LDB2: variants seen among roughly 807,000 people sequenced by gnomAD.
The protein encoded by LDB2 is LIM domain binding 2.
LDB2 carries 12 observed loss-of-function variants against 44.3 expected under a neutral mutation model. That is an observed-to-expected ratio of 0.27 (90% CI 0.17 to 0.44). LDB2 has a LOEUF of 0.44. Among genes scored for constraint, LDB2 ranks in the 20% least tolerant of loss-of-function variants. The probability of loss-of-function intolerance (pLI) is 1.00; values close to 1 mark genes in which losing one functional copy is unlikely to be tolerated. For missense variants in LDB2, 344 were observed against 473.5 expected (o/e 0.73, Z 2.54); for synonymous variants, 164 against 174.8 (o/e 0.94, Z 0.49).
intron 2 of LDB2, among the ~76,000 whole-genome samples, chr4:16,734,643 G>A (rs79077910): frequency 0.019 from 2,784 of 150,412 alleles, 33 homozygotes; most frequent in Non-Finnish European, 0.027. Context: ...GCCCTGTCTT[G>A]CCCATGATTT....
At chr4:16,528,661 C>T (rs529936088) in intron 5 of LDB2, among the ~76,000 whole-genome samples, 2 of 152,334 alleles carry the variant, frequency 1.3e-5, no homozygotes, top group South Asian at 4.1e-4. Flanking sequence ...TAGACTTGTG[C>T]AGTGCCACCT....
At chr4:16,830,545 C>T (rs2110043412) in intron 1 of LDB2, among the ~76,000 whole-genome samples, 1 of 152,320 alleles carries the variant, frequency 6.6e-6, no homozygotes, top group South Asian at 2.1e-4. Flanking sequence ...GGAGAGATCT[C>T]ACATAATTCC....
intron 1 of LDB2, among the ~76,000 whole-genome samples, chr4:16,783,098 GC>G (rs1433762226): frequency 6.6e-6 from 1 of 152,226 alleles, no homozygotes; most frequent in Non-Finnish European, 1.5e-5. Context: ...CAGCAGGACA[GC>G]TAGTGCCAAG....
chr4:16,780,150 T>A (rs968487758), intron 1 of LDB2, among the ~76,000 whole-genome samples: 27 of 152,268 alleles, frequency 1.8e-4, no homozygotes, highest in Middle Eastern at 3.4e-3. Flanking sequence ...ACCAAAAAAA[T>A]TATTACTAGT....
chr4:16,687,703 C>T (rs922211877), intron 2 of LDB2, among the ~76,000 whole-genome samples: 2 of 152,108 alleles, frequency 1.3e-5, no homozygotes, highest in African/African-American at 2.4e-5. Context: ...CACCCTCCCA[C>T]ACCCACCCTG....
chr4:16,867,911 A>G (rs529993554), intron 1 of LDB2, among the ~76,000 whole-genome samples: 4 of 152,204 alleles, frequency 2.6e-5, no homozygotes, highest in Non-Finnish European at 5.9e-5. Flanking sequence ...TAACCTGACC[A>G]CTTCAAAAAC....
At chr4:16,875,956 T>C (rs1029331060) in intron 1 of LDB2, among the ~76,000 whole-genome samples, 3 of 152,176 alleles carry the variant, frequency 2.0e-5, no homozygotes, top group Non-Finnish European at 4.4e-5. Context: ...GAATGCATTA[T>C]AGGAAGTAGG....
chr4:16,852,237 C>A (rs1005838508), intron 1 of LDB2, among the ~76,000 whole-genome samples: 1 of 152,164 alleles, frequency 6.6e-6, no homozygotes, highest in Non-Finnish European at 1.5e-5. Context: ...CCATCTCTTA[C>A]CCAGAACATT....
chr4:16,661,089 T>C (rs1428274304), intron 2 of LDB2, among the ~76,000 whole-genome samples: 1 of 152,078 alleles, frequency 6.6e-6, no homozygotes, highest in African/African-American at 2.4e-5. Context: ...ACAGAAATAA[T>C]TACTTTCCCC....
intron 1 of LDB2, among the ~76,000 whole-genome samples, chr4:16,792,105 C>T (rs1306438341): frequency 6.6e-6 from 1 of 152,098 alleles, no homozygotes; most frequent in Non-Finnish European, 1.5e-5. Context: ...TGATGAGAAA[C>T]AAAATGGGTG....
chr4:16,785,894 C>T lies in LDB2; in HGVS notation c.133-26634G>A, dbSNP rs995159088. ...TTAAAAACTCTTATGACCCTCAAAC[C>T]AGCTTCATTTTCCTCCTTAAGTTTT... On this transcript the variant is annotated intron_variant, in intron 1 of 7. Transcript: ENST00000304523. 3.3e-5 allele frequency among the ~76,000 whole-genome samples: 5 copies of T among 152,200 alleles called. No homozygotes were observed. The Middle Eastern group carries it at 0.01, about 311-fold the overall frequency.
intron 1 of LDB2, among the ~76,000 whole-genome samples, chr4:16,875,695 G>A (rs1718160856): frequency 6.6e-6 from 1 of 152,196 alleles, no homozygotes; most frequent in South Asian, 2.1e-4. Context: ...TCCACCAGAA[G>A]AGCTGCTGCA....
chr4:16,714,189 A>G (rs1413793572), intron 2 of LDB2, among the ~76,000 whole-genome samples: 4 of 152,224 alleles, frequency 2.6e-5, no homozygotes, highest in Non-Finnish European at 4.4e-5. Flanking sequence ...GGTTTTTTAA[A>G]TCTTCATTCG....
intron 1 of LDB2, among the ~76,000 whole-genome samples, chr4:16,841,743 C>T (rs1201649823): frequency 6.6e-6 from 1 of 152,150 alleles, no homozygotes; most frequent in East Asian, 1.9e-4. Flanking sequence ...ATAAATTTTA[C>T]ATTTACCTTG....
At chr4:16,536,335 G>T (rs764397990) in intron 5 of LDB2, among the ~76,000 whole-genome samples, 2 of 152,154 alleles carry the variant, frequency 1.3e-5, no homozygotes, top group African/African-American at 4.8e-5. Flanking sequence ...CTGCTTTATC[G>T]TAAATGTCTG....
intron 5 of LDB2, among the ~76,000 whole-genome samples, chr4:16,549,642 G>T (rs190138831): frequency 2.4e-4 from 36 of 152,204 alleles, no homozygotes; most frequent in African/African-American, 8.7e-4. Flanking sequence ...AGACCAAGGC[G>T]CACCTCTGTT....
intron 1 of LDB2, among the ~76,000 whole-genome samples, chr4:16,892,697 G>A (rs1000640188): frequency 6.6e-6 from 1 of 152,160 alleles, no homozygotes; most frequent in Non-Finnish European, 1.5e-5. Flanking sequence ...CGGGTGCTCT[G>A]TGTTCCTCAT....
intron 1 of LDB2, among the ~76,000 whole-genome samples, chr4:16,875,490 G>A (rs1718090923): frequency 6.6e-6 from 1 of 152,086 alleles, no homozygotes; most frequent in African/African-American, 2.4e-5. Context: ...GAAAACTTAT[G>A]ATCAATTTTA....
chr4:16,661,937 G>A lies in LDB2; in HGVS notation c.236-66062C>T, dbSNP rs545837566. ...TTAATTACTGGGGCAGGTAGCACTC[G>A]CTCTTGGAAGATCTCAGCACAGATT... On this transcript the variant is annotated intron_variant, in intron 2 of 7. Coordinates refer to ENST00000304523, the MANE Select transcript of LDB2 (RefSeq NM_001290.5). 3.2e-4 allele frequency among the ~76,000 whole-genome samples: 49 copies of A among 152,226 alleles called. No individual in the cohort carries two copies. The South Asian group carries it at 7.1e-3, about 22-fold the overall frequency.
Sources: gnomAD v4.1 joint callset for allele counts (sites outside exome capture counted in the v4.1 genomes callset) on GRCh38, gnomAD v4.1.1 for gene constraint, MANE v1.5 for transcripts, NCBI Gene and HGNC (gene_info 2026-07-23, HGNC 2026-07-21) for gene names.